Variants in TMPRSS11D observed in about 807,000 individuals in gnomAD.
The protein encoded by TMPRSS11D is transmembrane serine protease 11D.
A neutral mutation model predicts 44.4 loss-of-function variants in TMPRSS11D; 32 were observed. The ratio of observed to expected loss-of-function variants is 0.72; its 90% CI spans 0.54 to 0.97. The LOEUF (loss-of-function observed/expected upper bound fraction) is 0.97, where lower values mean the gene tolerates loss of function less well. Ranked by LOEUF, TMPRSS11D falls within the 50% of genes least tolerant of loss-of-function variation. The probability of loss-of-function intolerance (pLI) is 0.00; values close to 1 mark genes in which losing one functional copy is unlikely to be tolerated. For synonymous variants in TMPRSS11D, 179 were observed against 177.9 expected (o/e 1.01, Z -0.05); for missense variants, 446 against 502.6 (o/e 0.89, Z 1.08).
rs774704612 is a variant in TMPRSS11D, at chr4:67,842,640, A to AGAGG, written c.250-19_250-16dup. ...GTTTTAGTAATCTGTAGAAAGAAAGAGAGGGGGAATCTCTCTGTAAATACA... is the reference window on the plus strand; with the variant it reads ...GTTTTAGTAATCTGTAGAAAGAAAGAGAGGGAGGGGGAATCTCTCTGTAAATACA... On this transcript the variant is annotated splice_polypyrimidine_tract_variant and intron_variant, in intron 3 of 9. Coordinates refer to ENST00000283916, the MANE Select transcript of TMPRSS11D (RefSeq NM_004262.3). The AGAGG allele has an allele frequency of 5.7e-5, 91 of 1,599,138 alleles. No homozygotes were observed. The highest frequency in any genetic ancestry group is 7.3e-5 in the Non-Finnish European group (86 of 1,170,598).
At chr4:67,852,717 G>A (rs1386035515) in intron 3 of TMPRSS11D, among the ~76,000 whole-genome samples, 1 of 152,172 alleles carries the variant, frequency 6.6e-6, no homozygotes, top group Non-Finnish European at 1.5e-5. Context: ...TCTTGGACAG[G>A]AACCAGATGT....
At chr4:67,861,539 T>A (rs1718790585) in intron 1 of TMPRSS11D, among the ~76,000 whole-genome samples, 2 of 152,092 alleles carry the variant, frequency 1.3e-5, no homozygotes, top group Admixed American at 1.3e-4. Context: ...TGAGCTGATA[T>A]GTCAGGATCT....
intron 5 of TMPRSS11D, 107 bp from the exon 6 acceptor site, chr4:67,835,228 TG>T (rs1718047701): frequency 9.4e-7 from 1 of 1,058,564 alleles, no homozygotes; most frequent in Middle Eastern, 2.5e-4. Flanking sequence ...AATTACTTGT[TG>T]GGGTTGGGAG....
chr4:67,868,095 A>AATATATATATAT (rs923681603), intron 1 of TMPRSS11D, among the ~76,000 whole-genome samples: 2,510 of 150,838 alleles, frequency 0.017, 80 homozygotes, highest in African/African-American at 0.057. Flanking sequence ...TAGATAGAGA[A>AATATATATATAT]ATATATATAT....
At chr4:67,833,410 G>C in intron 6 of TMPRSS11D, 29 bp from the exon 7 acceptor site, 3 of 1,408,140 alleles carry the variant, frequency 2.1e-6, no homozygotes, top group Non-Finnish European at 2.8e-6. Flanking sequence ...AATGTGCTGG[G>C]AAGATCATGA....
intron 1 of TMPRSS11D, among the ~76,000 whole-genome samples, chr4:67,869,516 A>G (rs545760780): frequency 3.3e-5 from 5 of 152,348 alleles, no homozygotes; most frequent in Non-Finnish European, 7.3e-5. Flanking sequence ...ATTTATAATC[A>G]TATGATCATA....
chr4:67,854,859 C>T (rs954938147), intron 2 of TMPRSS11D, among the ~76,000 whole-genome samples: 5 of 152,166 alleles, frequency 3.3e-5, no homozygotes, highest in Admixed American at 6.5e-5. Flanking sequence ...AACATCAATT[C>T]TCCTCAAACT....
At chr4:67,841,944 T>C (rs1718241507) in intron 4 of TMPRSS11D, among the ~76,000 whole-genome samples, 1 of 152,158 alleles carries the variant, frequency 6.6e-6, no homozygotes, top group South Asian at 2.1e-4. Context: ...AGCAATGTGG[T>C]CATTTGAGAC....
chr4:67,854,350 T>G (rs982260503), intron 2 of TMPRSS11D, among the ~76,000 whole-genome samples, 164 bp from the exon 3 acceptor site: 1 of 152,182 alleles, frequency 6.6e-6, no homozygotes, highest in Non-Finnish European at 1.5e-5. Flanking sequence ...TTATTATCTT[T>G]TCAATTTTTA....
intron 2 of TMPRSS11D, among the ~76,000 whole-genome samples, chr4:67,857,312 TATATATATATACACAC>T (rs1421912624): frequency 8.1e-4 from 1 of 1,238 alleles, no homozygotes; most frequent in African/African-American, 1.4e-3. Flanking sequence ...TATATATATA[TATATATATATACACAC>T]ACACACACAC....
chr4:67,867,661 G>C (rs1466250640), intron 1 of TMPRSS11D, among the ~76,000 whole-genome samples: 2 of 151,900 alleles, frequency 1.3e-5, no homozygotes, highest in Non-Finnish European at 2.9e-5. Context: ...TTAAAGAGTG[G>C]GCTAAGGACA....
At position 67,883,941 on chromosome 4, in the gene TMPRSS11D, CT is replaced by C. The variant is rs1560553568; in HGVS notation, c.-9del. The C allele has an allele frequency of 6.2e-7, 1 of 1,600,218 alleles. No homozygotes were observed. ...CAGGACTTACCTATACATTTTAATC[CT>C]TAATGAAGAGGTTCTTTTTTCTGCC... On this transcript the variant is annotated 5_prime_UTR_variant, in exon 1 of 10. Coordinates refer to ENST00000283916, the MANE Select transcript of TMPRSS11D (RefSeq NM_004262.3).
chr4:67,825,690 A>G, intron 9 of TMPRSS11D, 42 bp downstream of exon 9: 1 of 1,604,430 alleles, frequency 6.2e-7, no homozygotes, highest in Non-Finnish European at 8.5e-7. Flanking sequence ...GTGCTTATAC[A>G]CTTCTTGGAT....
chr4:67,826,001 A>C, intron 8 of TMPRSS11D, 127 bp from the exon 9 acceptor site: 1 of 1,182,256 alleles, frequency 8.5e-7, no homozygotes, highest in East Asian at 2.6e-5. Flanking sequence ...AGGCTTCTAA[A>C]GATTTACTTT....
chr4:67,881,380 G>A (rs1297193552), intron 1 of TMPRSS11D, among the ~76,000 whole-genome samples: 1 of 152,136 alleles, frequency 6.6e-6, no homozygotes, highest in Non-Finnish European at 1.5e-5. Flanking sequence ...GACTGCAGCT[G>A]ATCTTCCTGT....
intron 1 of TMPRSS11D, among the ~76,000 whole-genome samples, chr4:67,866,488 G>T (rs1310230695): frequency 1.3e-5 from 2 of 151,668 alleles, no homozygotes; most frequent in African/African-American, 2.4e-5. Flanking sequence ...ATGTGAAGTC[G>T]TAAAGAGCTA....
At chr4:67,829,888 G>A (rs1717903651) in intron 7 of TMPRSS11D, among the ~76,000 whole-genome samples, 1 of 151,802 alleles carries the variant, frequency 6.6e-6, no homozygotes, top group Admixed American at 6.6e-5. Flanking sequence ...AGGGAAATGG[G>A]GCCTCTTTTG....
At chr4:67,845,125 G>A (rs988907408) in intron 3 of TMPRSS11D, among the ~76,000 whole-genome samples, 2 of 152,174 alleles carry the variant, frequency 1.3e-5, no homozygotes, top group Non-Finnish European at 2.9e-5. Context: ...TTTCTGTTAT[G>A]TGGACAACAT....
chr4:67,859,157 T>G lies in TMPRSS11D; in HGVS notation c.130+400A>C, dbSNP rs542992701. The stretch of plus-strand genomic sequence containing the variant: ...CATCCAAATTTTAGATGTTGAAACT[T>G]AAGGTTCTTTGAAATATTTCACTGT... On this transcript the variant is annotated intron_variant, in intron 2 of 9. Transcript: ENST00000283916. Among the ~76,000 whole-genome samples the G allele has an allele frequency of 9.2e-5, 14 of 152,250 alleles. 1 individual carries two copies. The South Asian group carries it at 2.9e-3, about 32-fold the overall frequency.
Sources: gnomAD v4.1 joint callset for allele counts (sites outside exome capture counted in the v4.1 genomes callset) on GRCh38, gnomAD v4.1.1 for gene constraint, MANE v1.5 for transcripts, NCBI Gene and HGNC (gene_info 2026-07-23, HGNC 2026-07-21) for gene names.